ZNF717: variants seen among roughly 807,000 people sequenced by gnomAD.
ZNF717 encodes the protein krueppel-like factor X17.
Under a neutral mutation model 13.8 loss-of-function variants are expected in ZNF717, and 9 were observed. The ratio of observed to expected loss-of-function variants is 0.65; its 90% CI spans 0.39 to 1.14. The LOEUF (loss-of-function observed/expected upper bound fraction) is 1.14. Ranked by LOEUF, ZNF717 falls within the 50% of genes most tolerant of loss-of-function variation. The pLI, the probability that ZNF717 is intolerant of heterozygous loss-of-function variation, is 0.01. For synonymous variants in ZNF717, 327 were observed against 364.1 expected, an observed-to-expected ratio of 0.90 and a Z score of 1.16; for missense variants, 1,040 against 1,080.7, an observed-to-expected ratio of 0.96 and a Z score of 0.53.
downstream of ZNF717, among the ~76,000 whole-genome samples, chr3:75,735,035 A>G (rs1938991735): frequency 6.6e-6 from 1 of 150,890 alleles, no homozygotes; most frequent in Non-Finnish European, 1.5e-5. Context: ...CCATGTTAGC[A>G]AGGAGGGTCT....
Position 75,736,357 on chromosome 3 carries a change from A to G in ZNF717, c.*521T>C, listed in dbSNP as rs1939207046. On this transcript the variant is annotated 3_prime_UTR_variant, in exon 5 of 5. Transcript: ENST00000652011. ...TGAAGAAAGCATGTTGGAAGCTAAG[A>G]CAGGCCAAAGCTAAGCTTCTTGCAT... 1 of 156,194 alleles carries G rather than the reference A, an allele frequency of 6.4e-6. No homozygotes were observed. Among genetic ancestry groups the G allele is most frequent in the Non-Finnish European group, 1.4e-5 (1 of 70,592 alleles). The allele number at this position is 156,194 out of a possible 1,614,324, so 9.7% of individuals were successfully genotyped here.
intron 5 of ZNF717, among the ~76,000 whole-genome samples, chr3:75,711,888 TG>T (rs1937946476): frequency 6.6e-6 from 1 of 152,242 alleles, no homozygotes; most frequent in African/African-American, 2.4e-5. Flanking sequence ...GGAATAGCCA[TG>T]GTTTAAAATC....
In ZNF717 at chr3:75,741,618, A is replaced by G; in HGVS notation, c.176T>C (p.Val59Ala). 2 of 1,610,610 alleles carry G rather than the reference A, an allele frequency of 1.2e-6. No individual in the cohort carries two copies. The highest frequency in any genetic ancestry group is 8.5e-7 in the Non-Finnish European group (1 of 1,178,234). Reference protein sequence around the residue: ...DVMLETYSSLVSLGHYITKPE... With the variant: ...DVMLETYSSLASLGHYITKPE... The stretch of plus-strand genomic sequence containing the variant: ...TGGCAAGTTTCACTCACCCAATGAT[A>G]CCAGGCTGCTGTAGGTCTCCAGCAT... Residue 59 changes from valine to alanine, a missense_variant, in exon 3 of 5, where the codon GTA (valine) becomes GCA (alanine). Val to Ala is a moderately conservative substitution (Grantham distance 64). Around this residue, in one of 3 missense-constraint regions of ZNF717, gnomAD observed 123 missense variants for 177.8 expected, o/e 0.69. Coordinates refer to ENST00000652011, the MANE Select transcript of ZNF717 (RefSeq NM_001290208.3).
At chr3:75,767,282 C>T (rs1207748813) in intron 2 of ZNF717, among the ~76,000 whole-genome samples, 1 of 71,014 alleles carries the variant, frequency 1.4e-5, no homozygotes, top group African/African-American at 4.1e-5. Context: ...CACCACACCG[C>T]TGTGCTTTCA....
rs1575755719 is a variant in ZNF717 at position 75,737,154 on chromosome 3, G to A, written c.2469C>T (p.Phe823=). ...PFECKECRKT[F]SQKSKLFVHH... is the part of the protein sequence containing the mutation. ...GTACAAAGAGTTTTGACTTCTGGGA[G>A]AAGGTTTTCCTACATTCTTTACATT... is the stretch of plus-strand genomic sequence containing the variant. The change falls in exon 5 of 5, where the codon TTC becomes TTT. Residue 823 remains phenylalanine, a synonymous_variant. Transcript: ENST00000652011. The A allele has an allele frequency of 1.9e-6, 3 of 1,560,732 alleles. No homozygotes were observed. Among genetic ancestry groups the A allele is most frequent in the South Asian group, 1.2e-5 (1 of 84,970 alleles).
chr3:75,720,961 A>G (rs1938156021), intron 4 of ZNF717, among the ~76,000 whole-genome samples: 1 of 152,240 alleles, frequency 6.6e-6, no homozygotes, highest in African/African-American at 2.4e-5. Context: ...GTGAAATTCT[A>G]GTACTTTTCA....
Position 75,738,376 on chromosome 3 carries a change from G to T in ZNF717, c.1247C>A (p.Thr416Asn), listed in dbSNP as rs1939793535. 1.3e-6 allele frequency: 2 copies of T among 1,541,198 alleles called. No individual in the cohort carries two copies. Among genetic ancestry groups the T allele is most frequent in the South Asian group, 1.2e-5 (1 of 83,458 alleles). ...TGCATAGGGCTTTTCCCCTGTGTGA[G>T]TTCTATGATGTATTGTGAGGTATGA... ...QKSYLTIHHR[T>N]HTGEKPYACD... The change falls in exon 5 of 5, where the codon ACT becomes AAT. Residue 416 changes from threonine (T) to asparagine (N), a missense_variant. Coordinates refer to ENST00000652011, the MANE Select transcript of ZNF717 (RefSeq NM_001290208.3).
At chr3:75,750,663 C>G (rs1210874968) in intron 2 of ZNF717, among the ~76,000 whole-genome samples, 6 of 151,844 alleles carry the variant, frequency 4.0e-5, no homozygotes, top group Non-Finnish European at 7.4e-5. Context: ...ACATAGGATT[C>G]CAGAACACTG....
intron 2 of ZNF717, among the ~76,000 whole-genome samples, chr3:75,758,850 A>G (rs1942723015): frequency 6.6e-6 from 1 of 151,994 alleles, no homozygotes; most frequent in Admixed American, 6.6e-5. Context: ...CAAAAAAAAA[A>G]AAATTAGCTG....
At chr3:75,746,522 T>A (rs1296604046) in intron 2 of ZNF717, among the ~76,000 whole-genome samples, 1 of 152,178 alleles carries the variant, frequency 6.6e-6, no homozygotes, top group African/African-American at 2.4e-5. Flanking sequence ...TTCCTATTTC[T>A]CCACATCCTC....
chr3:75,732,428 G>C (rs75025537), downstream of ZNF717, among the ~76,000 whole-genome samples: 2 of 48,878 alleles, frequency 4.1e-5, no homozygotes, highest in Admixed American at 4.4e-4. Context: ...GTTCCCTGCT[G>C]GACCCCCTGC....
At chr3:75,726,983 T>C (rs1422300643), downstream of ZNF717, among the ~76,000 whole-genome samples, 1 of 152,224 alleles carries the variant, frequency 6.6e-6, no homozygotes, top group Non-Finnish European at 1.5e-5. Flanking sequence ...CCTAAGATTA[T>C]AAACACATGT....
At chr3:75,726,148 C>T (rs1302861309), downstream of ZNF717, among the ~76,000 whole-genome samples, 3 of 152,224 alleles carry the variant, frequency 2.0e-5, no homozygotes, top group Non-Finnish European at 2.9e-5. Context: ...AAGTTTTGAC[C>T]GTGTGCTCTT....
intron 4 of ZNF717, among the ~76,000 whole-genome samples, chr3:75,739,575 T>C (rs1374841510): frequency 1.4e-4 from 21 of 152,360 alleles, no homozygotes; most frequent in African/African-American, 5.0e-4. Flanking sequence ...GAAGTTTTCC[T>C]GTTCTTTTTT....
At chr3:75,763,998 A>G (rs1943236855) in intron 2 of ZNF717, among the ~76,000 whole-genome samples, 1 of 152,198 alleles carries the variant, frequency 6.6e-6, no homozygotes, top group African/African-American at 2.4e-5. Context: ...AGTTTGCAAA[A>G]TCTTTACTAG....
At chr3:75,758,112 C>CAAAAAAAAA (rs111361124) in intron 2 of ZNF717, among the ~76,000 whole-genome samples, 1 of 64,538 alleles carries the variant, frequency 1.5e-5, no homozygotes. Context: ...GACTCCATCT[C>CAAAAAAAAA]AAAAAAAAAA....
chr3:75,737,001 T>C lies in ZNF717; in HGVS notation c.2622A>G (p.Glu874=), dbSNP rs1356490990. 2.5e-6 allele frequency: 4 copies of C among 1,591,488 alleles called. No homozygotes were observed. In the African/African-American group the frequency reaches 5.4e-5, roughly 21 times the overall value. The part of the protein sequence containing the change: ...HTGEKPYECK[E]CGKTFCQKSH... ...ACTTCTGGCAAAAGGTTTTCCCACA[T>C]TCCTTACATTCATAAGGTTTTTCTC... Residue 874 remains glutamate (E), a synonymous_variant, in exon 5 of 5, where the codon GAA becomes GAG. Coordinates refer to ENST00000652011, the MANE Select transcript of ZNF717 (RefSeq NM_001290208.3).
intron 2 of ZNF717, among the ~76,000 whole-genome samples, chr3:75,776,985 G>C (rs1356266004): frequency 3.9e-5 from 6 of 152,162 alleles, no homozygotes; most frequent in African/African-American, 1.2e-4. Flanking sequence ...GATTTACAGG[G>C]ACCCTGAGTA....
chr3:75,771,864 T>C (rs1249671611), intron 2 of ZNF717, among the ~76,000 whole-genome samples: 4 of 152,228 alleles, frequency 2.6e-5, no homozygotes, highest in Non-Finnish European at 4.4e-5. Flanking sequence ...TCATACCTGG[T>C]CCTGCCACCT....
Sources: gnomAD v4.1 joint callset for allele counts (sites outside exome capture counted in the v4.1 genomes callset) on GRCh38, gnomAD v4.1.1 for gene constraint, gnomAD v4.1.1 regional missense constraint, MANE v1.5 for transcripts, NCBI Gene and HGNC (gene_info 2026-07-23, HGNC 2026-07-21) for gene names.